The following DIAPH2 variants were observed in gnomAD, a reference collection of about 807,000 sequenced individuals.
The protein encoded by DIAPH2 is diaphanous related formin 2.
Under a neutral mutation model 92.7 loss-of-function variants are expected in DIAPH2, and 35 were observed. The ratio of observed to expected loss-of-function variants is 0.38; its 90% CI spans 0.29 to 0.50. DIAPH2 has a LOEUF of 0.50. Among genes scored for constraint, DIAPH2 ranks in the 20% least tolerant of loss-of-function variants. DIAPH2 has a pLI of 0.94. For synonymous variants in DIAPH2, 301 were observed against 280.4 expected, an observed-to-expected ratio of 1.07 and a Z score of -0.73; for missense variants, 701 against 819.5, an observed-to-expected ratio of 0.86 and a Z score of 1.77.
rs1048481422 is a variant in DIAPH2 at position 97,062,018 on chromosome X, T to A, written c.2051-10923T>A. On this transcript the variant is annotated intron_variant, in intron 17 of 26. Transcript: ENST00000324765. ...AGTTTTAATTAATGCATTTTATGCA[T>A]TCTTATTCTAACTTATTCTAAGAAC... Among the ~76,000 whole-genome samples, 8 of 111,812 alleles carry A rather than the reference T, an allele frequency of 7.2e-5. No individual in the cohort carries two copies. In the Admixed American group the frequency reaches 7.6e-4, roughly 11 times the overall value.
chrX:97,452,460 T>C (rs1345618853), intron 26 of DIAPH2, among the ~76,000 whole-genome samples: 1 of 111,956 alleles, frequency 8.9e-6, no homozygotes, highest in African/African-American at 3.2e-5. Context: ...AAAGTGATAC[T>C]AGGACTTCCT....
At chrX:97,010,359 G>A (rs1241878971) in intron 17 of DIAPH2, among the ~76,000 whole-genome samples, 1 of 111,001 alleles carries the variant, frequency 9.0e-6, no homozygotes, top group East Asian at 2.9e-4. Flanking sequence ...GGATGGGGGG[G>A]ATGGTGTTGG....
Position 97,487,421 on chromosome X carries a change from C to T in DIAPH2, c.3241+57676C>T, listed in dbSNP as rs193024325. On this transcript the variant is annotated intron_variant, in intron 26 of 26. Coordinates refer to ENST00000324765, the MANE Select transcript of DIAPH2 (RefSeq NM_006729.5). ...TCCTGAGTAGCTGGGATTACAGGCA[C>T]GTGCCACCACGCCCGGCTCATTTTT... 3.0e-3 allele frequency among the ~76,000 whole-genome samples: 332 copies of T among 110,849 alleles called. 2 individuals carry two copies. Among genetic ancestry groups the T allele is most frequent in the African/African-American group, 0.01 (306 of 30,480 alleles).
At chrX:97,094,816 G>A (rs998289726) in intron 19 of DIAPH2, among the ~76,000 whole-genome samples, 1 of 111,842 alleles carries the variant, frequency 8.9e-6, no homozygotes, top group Non-Finnish European at 1.9e-5. Context: ...TGGTAGTCAC[G>A]TGGTAGACAT....
intron 22 of DIAPH2, among the ~76,000 whole-genome samples, chrX:97,145,316 A>AGTAGTT (rs1019710437): frequency 1.9e-5 from 2 of 107,108 alleles, no homozygotes; most frequent in African/African-American, 6.8e-5. Flanking sequence ...TAGTAGTAGT[A>AGTAGTT]GTAGTAGTGG....
intron 23 of DIAPH2, among the ~76,000 whole-genome samples, chrX:97,253,151 G>A (rs1263571197): frequency 9.1e-6 from 1 of 109,428 alleles, no homozygotes; most frequent in East Asian, 2.9e-4. Context: ...AGCCGGGCAT[G>A]GTGGCACAAG....
At chrX:97,014,970 G>A (rs1436858762) in intron 17 of DIAPH2, among the ~76,000 whole-genome samples, 4 of 111,377 alleles carry the variant, frequency 3.6e-5, no homozygotes, top group East Asian at 5.6e-4. Context: ...CATGTGTATC[G>A]CTTAGGAATA....
Position 97,518,532 on chromosome X carries a change from G to A in DIAPH2, c.3242-80721G>A, listed in dbSNP as rs186325649. Among the ~76,000 whole-genome samples the A allele has an allele frequency of 7.1e-3, 778 of 109,928 alleles. 7 individuals carry two copies. The highest frequency in any genetic ancestry group is 0.012 in the Non-Finnish European group (617 of 52,766). ...TATGTGTGTATATATATATATGTGT[G>A]TGTATATATATGTTTGTGTGTGTAT... On this transcript the variant is annotated intron_variant, in intron 26 of 26. Coordinates refer to ENST00000324765, the MANE Select transcript of DIAPH2 (RefSeq NM_006729.5).
At chrX:97,281,294 CTTA>C (rs1311440898) in intron 23 of DIAPH2, among the ~76,000 whole-genome samples, 1 of 111,549 alleles carries the variant, frequency 9.0e-6, no homozygotes, top group Non-Finnish European at 1.9e-5. Context: ...TAAAACTCTT[CTTA>C]TTTACTGTAT....
rs1252533029 is a variant in DIAPH2 at position 97,129,127 on chromosome X, TTTTCTTTTCTTTTCTTTTC to T, written c.2590-12501_2590-12483del. ...TTTTCTTTTCTTTTCTTTTCTTTTC[TTTTCTTTTCTTTTCTTTTC>T]TTTCTTTTCTTTTCTTTTCTTTCTT... is the stretch of plus-strand genomic sequence containing the variant. On this transcript the variant is annotated intron_variant, in intron 21 of 26. Coordinates refer to ENST00000324765, the MANE Select transcript of DIAPH2 (RefSeq NM_006729.5). 1.7e-3 allele frequency among the ~76,000 whole-genome samples: 135 copies of T among 80,463 alleles called. 7 individuals are homozygous for T. Among genetic ancestry groups the T allele is most frequent in the African/African-American group, 6.5e-3 (124 of 19,095 alleles). The allele number at this position is 80,463 out of a possible 115,157, so 69.9% of individuals were successfully genotyped here.
intron 22 of DIAPH2, among the ~76,000 whole-genome samples, chrX:97,195,057 T>A (rs2067690204): frequency 8.9e-6 from 1 of 111,931 alleles, no homozygotes; most frequent in African/African-American, 3.2e-5. Context: ...TTGTTTAGTC[T>A]TAGGATAGGG....
intron 26 of DIAPH2, among the ~76,000 whole-genome samples, chrX:97,485,853 T>C (rs1051326379): frequency 2.7e-5 from 3 of 111,178 alleles, no homozygotes; most frequent in Non-Finnish European, 3.8e-5. Flanking sequence ...TGATCATGTA[T>C]TTGTAAGTAC....
intron 3 of DIAPH2, among the ~76,000 whole-genome samples, chrX:96,748,824 T>A (rs2064166598): frequency 9.0e-6 from 1 of 111,615 alleles, no homozygotes; most frequent in African/African-American, 3.3e-5. Context: ...TTATTTTGTA[T>A]ATCCTGCTGA....
Position 96,723,986 on chromosome X carries a change from C to T in DIAPH2, c.133-11772C>T, listed in dbSNP as rs746639980. Among the ~76,000 whole-genome samples, 32 of 93,770 alleles carry T rather than the reference C, an allele frequency of 3.4e-4. No homozygotes were observed. The Admixed American group carries it at 3.7e-3, about 11-fold the overall frequency. 81.4% of individuals were successfully genotyped at this position (93,770 alleles called of 115,157 possible). ...TTGCCCGGGCTGGAGTGCAGTGGTG[C>T]GATCTCGGCTCACTGCAACCACTGC... On this transcript the variant is annotated intron_variant, in intron 1 of 26. Transcript: ENST00000324765.
At chrX:97,503,229 G>A (rs899248244) in intron 26 of DIAPH2, among the ~76,000 whole-genome samples, 3 of 111,656 alleles carry the variant, frequency 2.7e-5, no homozygotes, top group Non-Finnish European at 3.8e-5. Flanking sequence ...CCCTTTCCTC[G>A]GGAAATTATA....
chrX:97,347,127 C>G (rs1053917932), intron 23 of DIAPH2, among the ~76,000 whole-genome samples: 1 of 94,830 alleles, frequency 1.1e-5, no homozygotes, highest in Non-Finnish European at 2.1e-5. Context: ...CTCACACTGT[C>G]GCCCAGGCTG....
At chrX:97,464,589 T>G (rs760841300) in intron 26 of DIAPH2, among the ~76,000 whole-genome samples, 2 of 111,391 alleles carry the variant, frequency 1.8e-5, no homozygotes, top group African/African-American at 6.5e-5. Context: ...TTTGTTTCCC[T>G]TAAGTCAGGT....
intron 22 of DIAPH2, among the ~76,000 whole-genome samples, chrX:97,151,023 G>T: frequency 8.9e-6 from 1 of 111,913 alleles, no homozygotes; most frequent in Non-Finnish European, 1.9e-5. Context: ...AGAAAACCAT[G>T]TCTTCAAAAA....
At chrX:97,300,931 TAAAAAAAAAAAAAA>T (rs774601881) in intron 23 of DIAPH2, among the ~76,000 whole-genome samples, 468 of 10,783 alleles carry the variant, frequency 0.043, 19 homozygotes, top group African/African-American at 0.13. Flanking sequence ...GACTCCGTCT[TAAAAAAAAAAAAAA>T]AAAAAAAAAA....
Sources: allele counts gnomAD v4.1 joint callset (sites outside exome capture counted in the v4.1 genomes callset), GRCh38; gene constraint gnomAD v4.1.1; transcripts MANE v1.5; gene names NCBI Gene and HGNC (gene_info 2026-07-23, HGNC 2026-07-21).